DRC1: variants seen among roughly 807,000 people sequenced by gnomAD.
The protein encoded by DRC1 is dynein regulatory complex protein 1.
In DRC1, 74 loss-of-function variants were observed where a neutral mutation model predicts 98.7. The observed-to-expected ratio is 0.75, with a 90% CI of 0.62 to 0.91. The LOEUF (loss-of-function observed/expected upper bound fraction) is 0.91. Among genes scored for constraint, DRC1 ranks in the 40% least tolerant of loss-of-function variants. DRC1 has a pLI of 0.00. For missense variants in DRC1, 875 were observed against 886.0 expected (o/e 0.99, Z 0.16); for synonymous variants, 336 against 334.1 (o/e 1.01, Z -0.06).
intron 2 of DRC1, among the ~76,000 whole-genome samples, chr2:26,420,670 T>A (rs1393043998): frequency 6.6e-6 from 1 of 152,148 alleles, no homozygotes; most frequent in African/African-American, 2.4e-5. Flanking sequence ...GATGCCCTTC[T>A]AGCCAAACGC....
In DRC1 at chr2:26,444,790, T is replaced by C. The variant is rs551640350; in HGVS notation, c.1238T>C (p.Ile413Thr). 3.7e-5 allele frequency: 59 copies of C among 1,614,220 alleles called. No homozygotes were observed. Among genetic ancestry groups the C allele is most frequent in the Admixed American group, 1.8e-4 (11 of 60,032 alleles). Residue 413 changes from isoleucine (I) to threonine (T), a missense_variant, in exon 10 of 17, where the codon ATA becomes ACA. Coordinates refer to ENST00000288710, the MANE Select transcript of DRC1 (RefSeq NM_145038.5). The stretch of plus-strand genomic sequence containing the variant: ...AATGAAGAGGAGGCGAAGGACCTAA[T>C]AGCCAGAGCCTTTGATGTGGACAGG... ...LMNEEEAKDLIARAFDVDRII... is the reference protein window; with the variant it reads ...LMNEEEAKDLTARAFDVDRII...
At chr2:26,418,507 AAT>A (rs1275779057) in intron 2 of DRC1, among the ~76,000 whole-genome samples, 5 of 126,240 alleles carry the variant, frequency 4.0e-5, no homozygotes, top group Non-Finnish European at 7.9e-5. Context: ...ATATAGTTTA[AAT>A]ATATATTATA....
Position 26,430,841 on chromosome 2 carries a change from A to T in DRC1, c.734A>T (p.Glu245Val). 1 of 1,613,964 alleles carries T rather than the reference A, an allele frequency of 6.2e-7. No homozygotes were observed. Among genetic ancestry groups the T allele is most frequent in the African/African-American group, 1.3e-5 (1 of 75,018 alleles). ...CTGGCCAGTAATAAGAAGAAATGGG[A>T]GCAAGCCCTTCAGGCTCATAATGCC... Reference protein sequence around the residue: ...ELLASNKKKWEQALQAHNAKE... With the variant: ...ELLASNKKKWVQALQAHNAKE... The change falls in exon 6 of 17, where the codon GAG (glutamate) becomes GTG (valine). Residue 245 changes from glutamate to valine, a missense_variant. By Grantham distance (121) the Glu-to-Val change is moderately radical (BLOSUM62 -2). Coordinates refer to ENST00000288710, the MANE Select transcript of DRC1 (RefSeq NM_145038.5).
chr2:26,453,424 G>A lies in DRC1; in HGVS notation c.1794G>A (p.Lys598=), dbSNP rs1333888206. The A allele has an allele frequency of 1.2e-6, 2 of 1,614,186 alleles. No individual in the cohort carries two copies. Among genetic ancestry groups the A allele is most frequent in the South Asian group, 2.2e-5 (2 of 91,090 alleles). The change falls in exon 14 of 17, where the codon AAG becomes AAA. Residue 598 remains lysine (K), a synonymous_variant. Coordinates refer to ENST00000288710, the MANE Select transcript of DRC1 (RefSeq NM_145038.5). ...LAEQTEMEGE[K]EESLVEGEKE... ...AGCAGACGGAGATGGAGGGAGAAAA[G>A]GAAGAAAGCCTGGTGGAAGGGGAGA...
chr2:26,453,369 C>T lies in DRC1; in HGVS notation c.1739C>T (p.Thr580Ile), dbSNP rs773007219. The change falls in exon 14 of 17, where the codon ACA (threonine) becomes ATA (isoleucine). Residue 580 changes from threonine (T) to isoleucine (I), a missense_variant. Coordinates refer to ENST00000288710, the MANE Select transcript of DRC1 (RefSeq NM_145038.5). The stretch of plus-strand genomic sequence containing the variant: ...ATGGAGAAGGCGAGCATGGAGGAGA[C>T]AAGCACGAGGTCAGAATTGGAGCTG... ...ASMEKASMEE[T>I]STRSELELAE... The T allele has an allele frequency of 1.2e-6, 2 of 1,614,166 alleles. No individual in the cohort carries two copies. The highest frequency in any genetic ancestry group is 1.1e-5 in the South Asian group (1 of 91,090).
chr2:26,414,362 T>A lies in DRC1; in HGVS notation c.174T>A (p.Tyr58Ter), dbSNP rs780737842. The change falls in exon 2 of 17, where the codon TAT (tyrosine) becomes TAA (stop). Residue 58 changes from tyrosine to a stop codon, truncating the protein, a stop_gained. Coordinates refer to ENST00000288710, the MANE Select transcript of DRC1 (RefSeq NM_145038.5). LOFTEE classifies it high-confidence loss of function. ...EARRREALGE[Y>*]LDGKKESEED... ...ATCACAGGGAAGCACTTGGAGAATA[T>A]TTAGATGGGAAGAAGGAGAGTGAGG... The A allele has an allele frequency of 1.2e-6, 2 of 1,613,904 alleles. No homozygotes were observed. Among genetic ancestry groups the A allele is most frequent in the Non-Finnish European group, 1.7e-6 (2 of 1,179,934 alleles).
intron 6 of DRC1, among the ~76,000 whole-genome samples, chr2:26,431,595 G>A (rs1273373746): frequency 6.6e-6 from 1 of 152,018 alleles, no homozygotes; most frequent in Non-Finnish European, 1.5e-5. Flanking sequence ...TTCAGGGTCT[G>A]TGCGTAATTT....
At chr2:26,409,662 C>G (rs560417382) in intron 1 of DRC1, among the ~76,000 whole-genome samples, 1 of 152,106 alleles carries the variant, frequency 6.6e-6, no homozygotes, top group Admixed American at 6.5e-5. Context: ...TCAGCAACAA[C>G]TAGAATAATG....
intron 4 of DRC1, among the ~76,000 whole-genome samples, chr2:26,426,797 A>G (rs1271485747): frequency 6.6e-6 from 1 of 152,216 alleles, no homozygotes; most frequent in African/African-American, 2.4e-5. Flanking sequence ...TATTTCCACA[A>G]AAAATGATGT....
chr2:26,455,116 T>C lies in DRC1; in HGVS notation c.2064-15T>C, dbSNP rs1289500649. On this transcript the variant is annotated splice_polypyrimidine_tract_variant and intron_variant, in intron 15 of 16. Coordinates refer to ENST00000288710, the MANE Select transcript of DRC1 (RefSeq NM_145038.5). ...GAGGATTCAGTGAGCCTCTAACCGA[T>C]TTTTCTGTCCAAAGCCTTGTCCTGA... The C allele has an allele frequency of 6.2e-7, 1 of 1,613,222 alleles. No homozygotes were observed. Among genetic ancestry groups the C allele is most frequent in the Non-Finnish European group, 8.5e-7 (1 of 1,179,844 alleles).
chr2:26,432,333 C>A (rs1419692290), intron 7 of DRC1, among the ~76,000 whole-genome samples: 1 of 151,604 alleles, frequency 6.6e-6, no homozygotes, highest in Non-Finnish European at 1.5e-5. Flanking sequence ...TGTGTCTCGG[C>A]AAAAAATAAA....
At chr2:26,411,851 T>A (rs1187474644) in intron 1 of DRC1, among the ~76,000 whole-genome samples, 1 of 151,954 alleles carries the variant, frequency 6.6e-6, no homozygotes, top group Admixed American at 6.6e-5. Context: ...GTTGTTGTTG[T>A]TGTTTGTTTG....
chr2:26,424,725 G>A (rs1334184306), intron 4 of DRC1, among the ~76,000 whole-genome samples: 6 of 152,164 alleles, frequency 3.9e-5, no homozygotes, highest in Admixed American at 2.0e-4. Flanking sequence ...GCCGAGGCAG[G>A]CGGATAACTT....
In DRC1 at chr2:26,444,740, G is replaced by C; in HGVS notation, c.1188G>C (p.Glu396Asp). The C allele has an allele frequency of 6.2e-7, 1 of 1,614,104 alleles. No individual in the cohort carries two copies. The highest frequency in any genetic ancestry group is 8.5e-7 in the Non-Finnish European group (1 of 1,180,022). The change falls in exon 10 of 17, where the codon GAG becomes GAC. Residue 396 changes from glutamate to aspartate, a missense_variant. By Grantham distance (45) the Glu-to-Asp change is conservative. Coordinates refer to ENST00000288710, the MANE Select transcript of DRC1 (RefSeq NM_145038.5). ...GGCATTTTGCTCTTATTGATGATGA[G>C]AAGTTTTGGGAGATTTGGCTGATGA... The part of the protein sequence containing the change: ...AMRHFALIDD[E>D]KFWEIWLMNE...
At chr2:26,433,782 C>A (rs1168616674) in intron 7 of DRC1, among the ~76,000 whole-genome samples, 2 of 152,106 alleles carry the variant, frequency 1.3e-5, no homozygotes. Flanking sequence ...CACTGGCTGT[C>A]CCTGTCCAGG....
Position 26,444,885 on chromosome 2 carries a change from C to G in DRC1, c.1333C>G (p.Pro445Ala), listed in dbSNP as rs754942711. 1 of 1,614,180 alleles carries G rather than the reference C, an allele frequency of 6.2e-7. No homozygotes were observed. The change falls in exon 10 of 17, where the codon CCT becomes GCT. Residue 445 changes from proline (P) to alanine (A), a missense_variant. By Grantham distance (27) the Pro-to-Ala change is conservative (BLOSUM62 -1). Coordinates refer to ENST00000288710, the MANE Select transcript of DRC1 (RefSeq NM_145038.5). Reference protein sequence around the residue: ...PDFWFLNNVGPISQQPQKSAT... With the variant: ...PDFWFLNNVGAISQQPQKSAT... Reference sequence around the variant, plus strand: ...TTTCTGGTTCCTGAACAATGTTGGGCCTATTTCTCAGCAGCCCCAGAAGTC... The same window carrying G: ...TTTCTGGTTCCTGAACAATGTTGGGGCTATTTCTCAGCAGCCCCAGAAGTC...
chr2:26,448,555 C>A (rs1029235693), intron 10 of DRC1, 136 bp from the exon 11 acceptor site: 6 of 892,072 alleles, frequency 6.7e-6, no homozygotes, highest in Non-Finnish European at 1.1e-5. Flanking sequence ...CATAAAGAGA[C>A]TGAGAGAATG....
At chr2:26,448,496 ATTC>A (rs1162011773) in intron 10 of DRC1, 192 bp from the exon 11 acceptor site, 1 of 707,530 alleles carries the variant, frequency 1.4e-6, no homozygotes, top group Non-Finnish European at 2.6e-6. Flanking sequence ...GTAGTCTCTG[ATTC>A]CGACCCCCTA....
chr2:26,453,369 C>G lies in DRC1; in HGVS notation c.1739C>G (p.Thr580Arg). ...ASMEKASMEETSTRSELELAE... is the reference protein window; with the variant it reads ...ASMEKASMEERSTRSELELAE... ...ATGGAGAAGGCGAGCATGGAGGAGA[C>G]AAGCACGAGGTCAGAATTGGAGCTG... The change falls in exon 14 of 17, where the codon ACA (threonine) becomes AGA (arginine). Residue 580 changes from threonine to arginine, a missense_variant. Physicochemically the swap from Thr to Arg is moderately conservative, Grantham distance 71 (BLOSUM62 -1). Transcript: ENST00000288710. 1 of 1,614,166 alleles carries G rather than the reference C, an allele frequency of 6.2e-7. No homozygotes were observed. Among genetic ancestry groups the G allele is most frequent in the Non-Finnish European group, 8.5e-7 (1 of 1,180,044 alleles).
Sources: allele counts gnomAD v4.1 joint callset (sites outside exome capture counted in the v4.1 genomes callset), GRCh38; gene constraint gnomAD v4.1.1; transcripts MANE v1.5; gene names NCBI Gene and HGNC (gene_info 2026-07-23, HGNC 2026-07-21).